Variants in MACROD2 observed in about 807,000 individuals in gnomAD.
MACROD2 encodes ADP-ribose glycohydrolase MACROD2.
A neutral mutation model predicts 70.4 loss-of-function variants in MACROD2; 36 were observed. That is an observed-to-expected ratio of 0.51 (90% CI 0.39 to 0.68). MACROD2 has a LOEUF of 0.68. MACROD2 is among the 30% of genes least tolerant of loss of function. MACROD2 has a pLI of 0.00. For missense variants in MACROD2, 496 were observed against 538.4 expected, an observed-to-expected ratio of 0.92 and a Z score of 0.78; for synonymous variants, 172 against 178.8, an observed-to-expected ratio of 0.96 and a Z score of 0.30.
In MACROD2 at chr20:15,874,090, A is replaced by G. The variant is rs1229623317; in HGVS notation, c.727+11264A>G. Among the ~76,000 whole-genome samples, 27 of 22,630 alleles carry G rather than the reference A, an allele frequency of 1.2e-3. No homozygotes were observed. In the Admixed American group the frequency reaches 0.015, roughly 13 times the overall value. 14.8% of individuals were successfully genotyped at this position (22,630 alleles called of 152,430 possible). On this transcript the variant is annotated intron_variant, in intron 9 of 17. Transcript: ENST00000684519. The stretch of plus-strand genomic sequence containing the variant: ...GCCCCCCCACCCCCCAACAGGCCCC[A>G]GTGTGTGATGTTCCCCTCCCTGTGT...
chr20:15,377,554 T>G (rs2045579984), intron 6 of MACROD2, among the ~76,000 whole-genome samples: 1 of 152,332 alleles, frequency 6.6e-6, no homozygotes, highest in Non-Finnish European at 1.5e-5. Context: ...CTGTGTGAAT[T>G]CGAACATTTA....
chr20:15,894,843 G>A (rs947656882), intron 10 of MACROD2, among the ~76,000 whole-genome samples: 1 of 152,200 alleles, frequency 6.6e-6, no homozygotes, highest in Admixed American at 6.5e-5. Context: ...AAGGCCAGCT[G>A]CAATAATTCA....
At chr20:15,195,037 A>G (rs1194790956) in intron 5 of MACROD2, among the ~76,000 whole-genome samples, 1 of 152,226 alleles carries the variant, frequency 6.6e-6, no homozygotes, top group Non-Finnish European at 1.5e-5. Flanking sequence ...CCATATGCAG[A>G]AAATTTAAAG....
rs546621585 is a variant in MACROD2, at chr20:15,782,364, G to C, written c.646-80381G>C. Among the ~76,000 whole-genome samples the C allele has an allele frequency of 5.3e-5, 8 of 152,094 alleles. No homozygotes were observed. The South Asian group carries it at 1.5e-3, about 28-fold the overall frequency. ...TTCTGTGAGTTGAGTGGGCTCTTCT[G>C]GGTGGTTCTTCTAGTCTTCAGTTGC... On this transcript the variant is annotated intron_variant, in intron 8 of 17. Coordinates refer to ENST00000684519, the MANE Select transcript of MACROD2 (RefSeq NM_001351661.2).
At chr20:15,606,570 A>G (rs1268229963) in intron 8 of MACROD2, among the ~76,000 whole-genome samples, 9 of 152,306 alleles carry the variant, frequency 5.9e-5, no homozygotes, top group Admixed American at 1.3e-4. Context: ...ACTAATTTTA[A>G]TGTTGAGAAC....
intron 5 of MACROD2, among the ~76,000 whole-genome samples, chr20:15,027,047 T>G (rs1052654614): frequency 6.6e-6 from 1 of 152,158 alleles, no homozygotes; most frequent in Non-Finnish European, 1.5e-5. Flanking sequence ...ATTGAACACC[T>G]GGCAACCCTA....
intron 3 of MACROD2, among the ~76,000 whole-genome samples, chr20:14,218,482 A>G: frequency 6.6e-6 from 1 of 152,328 alleles, no homozygotes; most frequent in East Asian, 1.9e-4. Context: ...GTATCTCTTA[A>G]GTGGAGCATT....
At chr20:14,978,953 A>G (rs2122830684) in intron 5 of MACROD2, among the ~76,000 whole-genome samples, 1 of 143,134 alleles carries the variant, frequency 7.0e-6, no homozygotes, top group Admixed American at 7.3e-5. Flanking sequence ...ATATAATCAT[A>G]TATATATATA....
intron 15 of MACROD2, among the ~76,000 whole-genome samples, chr20:16,035,051 G>A (rs775140): frequency 0.14 from 19,360 of 136,000 alleles, 2,345 homozygotes; most frequent in East Asian, 0.21. Context: ...ATATAATATA[G>A]AATATAAAAT....
chr20:15,267,867 G>A (rs1288061885), intron 6 of MACROD2, among the ~76,000 whole-genome samples: 2 of 152,140 alleles, frequency 1.3e-5, no homozygotes, highest in African/African-American at 4.8e-5. Flanking sequence ...GTGAGATGGG[G>A]GCCTGTGAAC....
chr20:15,120,527 A>G (rs1217193033), intron 5 of MACROD2, among the ~76,000 whole-genome samples: 1 of 152,144 alleles, frequency 6.6e-6, no homozygotes, highest in African/African-American at 2.4e-5. Flanking sequence ...GTGATGTGCA[A>G]TATTTGTTAA....
intron 3 of MACROD2, among the ~76,000 whole-genome samples, chr20:14,165,586 C>G (rs1812975165): frequency 1.3e-5 from 2 of 152,198 alleles, no homozygotes; most frequent in South Asian, 4.1e-4. Flanking sequence ...TCTACTTTCA[C>G]TGACATTCAA....
At chr20:15,369,791 C>A (rs2045465987) in intron 6 of MACROD2, among the ~76,000 whole-genome samples, 1 of 152,098 alleles carries the variant, frequency 6.6e-6, no homozygotes, top group African/African-American at 2.4e-5. Context: ...TCCCAGTAGA[C>A]TGAGTTCTTT....
At chr20:14,791,426 A>G (rs1459692001) in intron 5 of MACROD2, among the ~76,000 whole-genome samples, 1 of 152,100 alleles carries the variant, frequency 6.6e-6, no homozygotes, top group African/African-American at 2.4e-5. Context: ...TGAGAACACT[A>G]ACACCCAGGA....
At chr20:15,854,366 C>T (rs2064334427) in intron 8 of MACROD2, among the ~76,000 whole-genome samples, 1 of 152,070 alleles carries the variant, frequency 6.6e-6, no homozygotes, top group Non-Finnish European at 1.5e-5. Context: ...AGATAAAAGC[C>T]ATCCCTGGTC....
At chr20:15,998,311 G>C (rs1004277034) in intron 15 of MACROD2, among the ~76,000 whole-genome samples, 1 of 152,070 alleles carries the variant, frequency 6.6e-6, no homozygotes, top group Non-Finnish European at 1.5e-5. Flanking sequence ...CTGGTTGTGG[G>C]CTTTTCTTTA....
intron 2 of MACROD2, among the ~76,000 whole-genome samples, chr20:14,036,325 G>A (rs2053309389): frequency 6.6e-6 from 1 of 152,170 alleles, no homozygotes; most frequent in Admixed American, 6.5e-5. Flanking sequence ...TGGGTTCTCA[G>A]TACATTTTTG....
At chr20:14,816,753 T>G (rs1391878340) in intron 5 of MACROD2, among the ~76,000 whole-genome samples, 1 of 151,982 alleles carries the variant, frequency 6.6e-6, no homozygotes, top group Non-Finnish European at 1.5e-5. Context: ...TACATTCAGG[T>G]ATAGTTGGAC....
intron 3 of MACROD2, among the ~76,000 whole-genome samples, chr20:14,467,389 G>T (rs1007195391): frequency 1.3e-5 from 2 of 152,116 alleles, no homozygotes; most frequent in South Asian, 2.1e-4. Flanking sequence ...TTGGAAAAGC[G>T]CAGTATTAAG....
Sources: gnomAD v4.1 joint callset for allele counts (sites outside exome capture counted in the v4.1 genomes callset) on GRCh38, gnomAD v4.1.1 for gene constraint, MANE v1.5 for transcripts, NCBI Gene and HGNC (gene_info 2026-07-23, HGNC 2026-07-21) for gene names.